KCNK4: variants seen among roughly 807,000 people sequenced by gnomAD.
The protein encoded by KCNK4 is potassium channel subfamily K member 4.
Under a neutral mutation model 28.8 loss-of-function variants are expected in KCNK4, and 22 were observed. The observed-to-expected ratio is 0.76, with a 90% confidence interval of 0.55 to 1.09. The LOEUF (loss-of-function observed/expected upper bound fraction) is 1.09, where lower values mean the gene tolerates loss of function less well. KCNK4 is among the 50% of genes least tolerant of loss of function. KCNK4 has a pLI of 0.00. For synonymous variants in KCNK4, 263 were observed against 252.9 expected (o/e 1.04, Z -0.38); for missense variants, 483 against 546.3 (o/e 0.88, Z 1.15).
In KCNK4 at chr11:64,299,387, G is replaced by C; in HGVS notation, c.843G>C (p.Thr281=). Residue 281 remains threonine (T), a synonymous_variant, in exon 7 of 7, where the codon ACG becomes ACC. Coordinates refer to ENST00000422670, the MANE Select transcript of KCNK4 (RefSeq NM_033310.3). ...CTCAGGCTGCCAGCTGGACTGGCAC[G>C]GTGACAGCGCGCGTGACCCAGCGAG... is the stretch of plus-strand genomic sequence containing the variant. ...LTAQAASWTG[T]VTARVTQRAG... 6.4e-7 allele frequency: 1 copy of C among 1,574,012 alleles called. No homozygotes were observed. Among genetic ancestry groups the C allele is most frequent in the East Asian group, 2.4e-5 (1 of 42,072 alleles).
Position 64,299,905 on chromosome 11 carries a change from C to G in KCNK4, c.*179C>G, listed in dbSNP as rs926266521. On this transcript the variant is annotated 3_prime_UTR_variant, in exon 7 of 7. Coordinates refer to ENST00000422670, the MANE Select transcript of KCNK4 (RefSeq NM_033310.3). ...CCCTCACTTCCATCCATCTCTAGACCCCCCCAAGGCTTTCTGTGTCGCTGC... is the reference window on the plus strand; with the variant it reads ...CCCTCACTTCCATCCATCTCTAGACGCCCCCAAGGCTTTCTGTGTCGCTGC... The G allele has an allele frequency of 6.6e-6, 8 of 1,213,372 alleles. No homozygotes were observed. The Admixed American group carries it at 7.0e-5, about 11-fold the overall frequency. 75.2% of individuals were successfully genotyped at this position (1,213,372 alleles called of 1,614,324 possible). A position where few individuals can be genotyped will look rare whatever the true frequency, so the allele number is the denominator to read the frequency against.
chr11:64,292,853 A>T, intron 1 of KCNK4, 89 bp from the exon 2 acceptor site: 1 of 1,345,322 alleles, frequency 7.4e-7, no homozygotes, highest in African/African-American at 1.5e-5. Context: ...TGGGGGCTTT[A>T]TGGATCTTTG....
rs375890925 is a variant in KCNK4, at chr11:64,294,481, GCACT to G, written c.189+1280_189+1283del. On this transcript the variant is annotated intron_variant, in intron 2 of 6. Transcript: ENST00000422670. The stretch of plus-strand genomic sequence containing the variant: ...TGCAGTGAGCCAAGATCACACCACT[GCACT>G]CACTCCAGCCCAGCCTGGATGATCG... 2.1e-3 allele frequency among the ~76,000 whole-genome samples: 263 copies of G among 124,614 alleles called. 3 individuals are homozygous for G. The highest frequency in any genetic ancestry group is 0.015 in the South Asian group (58 of 3,976). 81.8% of individuals were successfully genotyped at this position (124,614 alleles called of 152,430 possible).
chr11:64,291,969 G>T, intron 1 of KCNK4: 1 of 1,063,994 alleles, frequency 9.4e-7, no homozygotes, highest in South Asian at 1.6e-5. Context: ...GGCGGTGGGA[G>T]CGAGCTGCGG....
chr11:64,292,772 T>G, intron 1 of KCNK4, 170 bp from the exon 2 acceptor site: 5 of 583,392 alleles, frequency 8.6e-6, no homozygotes, highest in East Asian at 4.1e-5. Context: ...GCAGCGGAGG[T>G]AAGGGGAAGG....
At chr11:64,298,471 A>C (rs1339888049) in intron 6 of KCNK4, among the ~76,000 whole-genome samples, 1 of 152,168 alleles carries the variant, frequency 6.6e-6, no homozygotes, top group East Asian at 1.9e-4. Context: ...TTAGCAAATA[A>C]AAATGCAGAA....
chr11:64,299,378 G>C lies in KCNK4; in HGVS notation c.834G>C (p.Trp278Cys). The change falls in exon 7 of 7, where the codon TGG becomes TGC. Residue 278 changes from tryptophan (W) to cysteine (C), a missense_variant. Coordinates refer to ENST00000422670, the MANE Select transcript of KCNK4 (RefSeq NM_033310.3). Reference sequence around the variant, plus strand: ...GCCTCACGGCTCAGGCTGCCAGCTGGACTGGCACGGTGACAGCGCGCGTGA... The same window carrying C: ...GCCTCACGGCTCAGGCTGCCAGCTGCACTGGCACGGTGACAGCGCGCGTGA... ...MGGLTAQAAS[W>C]TGTVTARVTQ... The C allele has an allele frequency of 6.3e-7, 1 of 1,575,730 alleles. No homozygotes were observed. Among genetic ancestry groups the C allele is most frequent in the Non-Finnish European group, 8.6e-7 (1 of 1,163,800 alleles).
intron 2 of KCNK4, among the ~76,000 whole-genome samples, chr11:64,293,413 T>A (rs1358201097): frequency 6.6e-6 from 1 of 152,118 alleles, no homozygotes; most frequent in Non-Finnish European, 1.5e-5. Context: ...CTGGAGAGCC[T>A]GGCACAGGAC....
intron 1 of KCNK4, chr11:64,291,950 C>T: frequency 1.1e-6 from 1 of 915,770 alleles, no homozygotes; most frequent in Non-Finnish European, 1.4e-6. Context: ...GCTGTGCGGA[C>T]GCGGGGGAGG....
At chr11:64,295,158 G>A (rs1300873484) in intron 2 of KCNK4, among the ~76,000 whole-genome samples, 3 of 152,186 alleles carry the variant, frequency 2.0e-5, no homozygotes, top group Non-Finnish European at 4.4e-5. Context: ...CTTGGAGGGT[G>A]TCACATCTAG....
intron 2 of KCNK4, among the ~76,000 whole-genome samples, chr11:64,295,097 G>A (rs1254651578): frequency 6.6e-6 from 1 of 152,228 alleles, no homozygotes; most frequent in African/African-American, 2.4e-5. Flanking sequence ...GCTAGGTGCT[G>A]TAGTGTTATA....
chr11:64,296,921 A>C lies in KCNK4; in HGVS notation c.233A>C (p.Asn78Thr). The change falls in exon 3 of 7, where the codon AAC (asparagine) becomes ACC (threonine). Residue 78 changes from asparagine (N) to threonine (T), a missense_variant. Coordinates refer to ENST00000422670, the MANE Select transcript of KCNK4 (RefSeq NM_033310.3). ...GGAGGGGGTGCGGACCCAGAAACCA[A>C]CTCGACCAGCAACAGCAGCCACTCA... is the stretch of plus-strand genomic sequence containing the variant. The part of the protein sequence containing the change: ...ALGGGADPET[N>T]STSNSSHSAW... The C allele has an allele frequency of 6.6e-7, 1 of 1,511,344 alleles. No homozygotes were observed. The highest frequency in any genetic ancestry group is 8.8e-7 in the Non-Finnish European group (1 of 1,131,214). 93.6% of individuals were successfully genotyped at this position (1,511,344 alleles called of 1,614,324 possible). A position where few individuals can be genotyped will look rare whatever the true frequency, so the allele number is the denominator to read the frequency against.
At chr11:64,299,093 C>T (rs1050339446) in intron 6 of KCNK4, among the ~76,000 whole-genome samples, 1 of 145,276 alleles carries the variant, frequency 6.9e-6, no homozygotes, top group Non-Finnish European at 1.5e-5. Flanking sequence ...AAATATTGCA[C>T]GAGATATATT....
At position 64,292,345 on chromosome 11, in the gene KCNK4, C is replaced by T. The variant is rs2034651827; in HGVS notation, c.-77-597C>T. Among the ~76,000 whole-genome samples, 3 of 152,142 alleles carry T rather than the reference C, an allele frequency of 2.0e-5. No individual in the cohort carries two copies. In the South Asian group the frequency reaches 6.2e-4, roughly 31 times the overall value. On this transcript the variant is annotated intron_variant, in intron 1 of 6. Transcript: ENST00000422670. ...GAACTGGGCGTCCCCAGCACCCCTCCTCGCCTGGGTGCGGCGGCCGGGACC... is the reference window on the plus strand; with the variant it reads ...GAACTGGGCGTCCCCAGCACCCCTCTTCGCCTGGGTGCGGCGGCCGGGACC...
At position 64,293,245 on chromosome 11, in the gene KCNK4, A is replaced by T. The variant is rs80251760; in HGVS notation, c.189+38A>T. On this transcript the variant is annotated intron_variant, in intron 2 of 6. Coordinates refer to ENST00000422670, the MANE Select transcript of KCNK4 (RefSeq NM_033310.3). ...GCCGCAGCCCCTTCAGCTGTCACCC[A>T]TCACCCCTGGCGCTAGCTGTGTGCC... is the stretch of plus-strand genomic sequence containing the variant. 154 of 1,415,824 alleles carry T rather than the reference A, an allele frequency of 1.1e-4. No homozygotes were observed. The East Asian group carries it at 3.4e-3, about 31-fold the overall frequency. The allele number at this position is 1,415,824 out of a possible 1,614,324, so 87.7% of individuals were successfully genotyped here.
Position 64,297,628 on chromosome 11 carries a change from C to T in KCNK4, c.636C>T (p.Thr212=), listed in dbSNP as rs139396794. ...AIYFVIVTLT[T]VGFGDYVAGA... ...ACTTTGTCATAGTGACGCTTACCAC[C>T]GTGGGCTTTGGCGACTATGTGGCCG... The change falls in exon 5 of 7, where the codon ACC becomes ACT. Residue 212 remains threonine (T), a synonymous_variant. Transcript: ENST00000422670. The T allele has an allele frequency of 2.7e-5, 43 of 1,611,958 alleles. No homozygotes were observed. The African/African-American group carries it at 3.7e-4, about 14-fold the overall frequency.
Position 64,298,106 on chromosome 11 carries a change from C to G in KCNK4, c.662-4C>G, listed in dbSNP as rs778966694. On this transcript the variant is annotated splice_region_variant and splice_polypyrimidine_tract_variant and intron_variant, in intron 5 of 6. Transcript: ENST00000422670. The stretch of plus-strand genomic sequence containing the variant: ...TCTTTCTACCTTCCCTGGTGGTATC[C>G]CAGGCGCGGACCCCAGGCAGGACTC... 3.7e-6 allele frequency: 6 copies of G among 1,612,938 alleles called. No homozygotes were observed. In the Admixed American group the frequency reaches 6.7e-5, roughly 18 times the overall value.
chr11:64,298,014 A>G, intron 5 of KCNK4, 96 bp from the exon 6 acceptor site: 1 of 1,443,492 alleles, frequency 6.9e-7, no homozygotes, highest in South Asian at 1.3e-5. Flanking sequence ...TAGGGAGGGC[A>G]GGTCCTCTCC....
At chr11:64,298,738 C>T (rs2034841142) in intron 6 of KCNK4, among the ~76,000 whole-genome samples, 2 of 151,958 alleles carry the variant, frequency 1.3e-5, no homozygotes. Flanking sequence ...AATTTGAATT[C>T]CAAATAAATA....
Sources: allele counts gnomAD v4.1 joint callset (sites outside exome capture counted in the v4.1 genomes callset), GRCh38; gene constraint gnomAD v4.1.1; transcripts MANE v1.5; gene names NCBI Gene and HGNC (gene_info 2026-07-23, HGNC 2026-07-21).